ZNF221: variants seen among roughly 807,000 people sequenced by gnomAD.
ZNF221 encodes the protein zinc finger protein 221.
Under a neutral mutation model 12.6 loss-of-function variants are expected in ZNF221, and 10 were observed. The observed-to-expected ratio is 0.79, with a 90% CI of 0.49 to 1.34. The LOEUF (loss-of-function observed/expected upper bound fraction) is 1.34. ZNF221 is among the 40% of genes most tolerant of loss of function. ZNF221 has a pLI of 0.00. For missense variants in ZNF221, 661 were observed against 721.4 expected (o/e 0.92, Z 0.96); for synonymous variants, 232 against 244.0 (o/e 0.95, Z 0.46).
intron 2 of ZNF221, 95 bp downstream of exon 2, chr19:43,962,902 C>T: frequency 8.2e-7 from 1 of 1,219,360 alleles, no homozygotes; most frequent in South Asian, 1.6e-5. Context: ...AGGAGAACAA[C>T]AAGCATTTGA....
At chr19:43,971,844 G>C (rs1975104669), downstream of ZNF221, among the ~76,000 whole-genome samples, 1 of 152,096 alleles carries the variant, frequency 6.6e-6, no homozygotes, top group Admixed American at 6.5e-5. Context: ...GACAATATTA[G>C]ATCATTGAGA....
At chr19:43,969,630 T>G (rs1448119678), downstream of ZNF221, among the ~76,000 whole-genome samples, 1 of 152,168 alleles carries the variant, frequency 6.6e-6, no homozygotes, top group African/African-American at 2.4e-5. Flanking sequence ...ATTACAGGCA[T>G]GAGCCACTGC....
In ZNF221 at chr19:43,967,109, G is replaced by A. The variant is rs775982285; in HGVS notation, c.1607G>A (p.Cys536Tyr). Residue 536 changes from cysteine (C) to tyrosine (Y), a missense_variant, in exon 5 of 5, where the codon TGT becomes TAT. Physicochemically the swap from Cys to Tyr is radical, Grantham distance 194. Coordinates refer to ENST00000587682, the MANE Select transcript of ZNF221 (RefSeq NM_001297588.2). ...TCHTGEKLYKCEQCEKGYNSK... is the reference protein window; with the variant it reads ...TCHTGEKLYKYEQCEKGYNSK... ...CATACTGGAGAAAAGCTATACAAAT[G>A]TGAGCAGTGTGAGAAGGGGTACAAC... is the stretch of plus-strand genomic sequence containing the variant. The A allele has an allele frequency of 6.3e-5, 101 of 1,595,998 alleles. 1 individual carries two copies. The South Asian group carries it at 1.1e-3, about 17-fold the overall frequency.
chr19:43,965,213 A>C lies in ZNF221; in HGVS notation c.209-20A>C. The C allele has an allele frequency of 6.2e-7, 1 of 1,603,176 alleles. No individual in the cohort carries two copies. The highest frequency in any genetic ancestry group is 8.5e-7 in the Non-Finnish European group (1 of 1,174,968). On this transcript the variant is annotated intron_variant, in intron 3 of 4. Coordinates refer to ENST00000587682, the MANE Select transcript of ZNF221 (RefSeq NM_001297588.2). ...TACCTACAATGGGTTGGAATTAAGC[A>C]TGTCACTGTGTGTTCACAGGGAATC...
chr19:43,967,077 G>C lies in ZNF221; in HGVS notation c.1575G>C (p.Gln525His). ...FTQSSQLHSH[Q>H]TCHTGEKLYK... ...AGAGTTCACAACTTCATTCCCATCA[G>C]ACATGCCATACTGGAGAAAAGCTAT... Residue 525 changes from glutamine to histidine, a missense_variant, in exon 5 of 5, where the codon CAG becomes CAC. Physicochemically the swap from Gln to His is conservative, Grantham distance 24 (BLOSUM62 0). Coordinates refer to ENST00000587682, the MANE Select transcript of ZNF221 (RefSeq NM_001297588.2). 1 of 1,596,418 alleles carries C rather than the reference G, an allele frequency of 6.3e-7. No individual in the cohort carries two copies. Among genetic ancestry groups the C allele is most frequent in the Non-Finnish European group, 8.6e-7 (1 of 1,168,892 alleles).
intron 2 of ZNF221, among the ~76,000 whole-genome samples, chr19:43,964,009 A>G (rs1462032636): frequency 1.3e-5 from 2 of 152,184 alleles, no homozygotes; most frequent in African/African-American, 4.8e-5. Flanking sequence ...ACATTATTTT[A>G]AATAATCAGG....
intron 1 of ZNF221, among the ~76,000 whole-genome samples, chr19:43,952,081 G>A (rs576035246): frequency 2.2e-4 from 34 of 151,572 alleles, no homozygotes; most frequent in African/African-American, 8.2e-4. Context: ...CACCGTGTTA[G>A]CCAGGATGGT....
At chr19:43,968,305 C>A (rs1380273058), downstream of ZNF221, among the ~76,000 whole-genome samples, 1 of 152,166 alleles carries the variant, frequency 6.6e-6, no homozygotes, top group Admixed American at 6.5e-5. Flanking sequence ...AAGAGACAGG[C>A]CTTAGAAAGA....
chr19:43,966,525 T>G lies in ZNF221; in HGVS notation c.1023T>G (p.Asp341Glu). 3.1e-6 allele frequency: 5 copies of G among 1,614,142 alleles called. No homozygotes were observed. Among genetic ancestry groups the G allele is most frequent in the Non-Finnish European group, 4.2e-6 (5 of 1,180,016 alleles). The change falls in exon 5 of 5, where the codon GAT becomes GAG. Residue 341 changes from aspartate to glutamate, a missense_variant. Asp to Glu is a conservative substitution (Grantham distance 45). Coordinates refer to ENST00000587682, the MANE Select transcript of ZNF221 (RefSeq NM_001297588.2). Reference sequence around the variant, plus strand: ...CAGGAGAAAAACCATTCAGATGTGATACATGTGGCAAGAACTTTCGTCAGA... The same window carrying G: ...CAGGAGAAAAACCATTCAGATGTGAGACATGTGGCAAGAACTTTCGTCAGA... ...VHTGEKPFRC[D>E]TCGKNFRQRS...
chr19:43,955,385 C>T (rs1420365686), intron 1 of ZNF221, among the ~76,000 whole-genome samples: 3 of 152,180 alleles, frequency 2.0e-5, no homozygotes, highest in Non-Finnish European at 4.4e-5. Flanking sequence ...CATCTTTGCA[C>T]TGCTGCACTA....
chr19:43,970,416 A>C (rs1292446065), downstream of ZNF221, among the ~76,000 whole-genome samples: 1 of 152,230 alleles, frequency 6.6e-6, no homozygotes, highest in Non-Finnish European at 1.5e-5. Context: ...GCTGAGGCTG[A>C]GATGGCTGAA....
downstream of ZNF221, among the ~76,000 whole-genome samples, chr19:43,969,337 T>G (rs1975047793): frequency 1.4e-3 from 4 of 2,812 alleles, no homozygotes; most frequent in African/African-American, 1.8e-3. Flanking sequence ...ACTGCTGCTT[T>G]TTTTTTTTTT....
chr19:43,966,908 A>ACCG lies in ZNF221; in HGVS notation c.1406_1407insCCG (p.Gln469delinsHisArg). 1 of 1,614,258 alleles carries ACCG rather than the reference A, an allele frequency of 6.2e-7. No individual in the cohort carries two copies. Among genetic ancestry groups the ACCG allele is most frequent in the Non-Finnish European group, 8.5e-7 (1 of 1,180,040 alleles). The stretch of plus-strand genomic sequence containing the variant: ...AGGAGGTTGGATCTTGAGTTTCACC[A>ACCG]GAGGGTCCACACGGGTGAGAGACCC... On this transcript the variant is annotated protein_altering_variant, in exon 5 of 5. Coordinates refer to ENST00000587682, the MANE Select transcript of ZNF221 (RefSeq NM_001297588.2).
chr19:43,966,785 G>T lies in ZNF221; in HGVS notation c.1283G>T (p.Gly428Val), dbSNP rs78179759. The T allele has an allele frequency of 6.2e-7, 1 of 1,614,048 alleles. No homozygotes were observed. Among genetic ancestry groups the T allele is most frequent in the Non-Finnish European group, 8.5e-7 (1 of 1,180,042 alleles). Residue 428 changes from glycine (G) to valine (V), a missense_variant, in exon 5 of 5, where the codon GGG becomes GTG. Gly to Val is a moderately radical substitution (Grantham distance 109). Coordinates refer to ENST00000587682, the MANE Select transcript of ZNF221 (RefSeq NM_001297588.2). ...GQKSFKCEEC[G>V]KGFYTNSRRS... ...AAATCCTTCAAATGTGAAGAATGTG[G>T]GAAGGGATTTTATACAAATTCACGA...
rs772494941 is a variant in ZNF221, at chr19:43,966,493, G to T, written c.991G>T (p.Val331Phe). 2.0e-5 allele frequency: 32 copies of T among 1,614,148 alleles called. No homozygotes were observed. The highest frequency in any genetic ancestry group is 2.6e-5 in the Non-Finnish European group (31 of 1,180,018). ...VRSRLNRHSM[V>F]HTGEKPFRCD... The stretch of plus-strand genomic sequence containing the variant: ...ATCAAGACTTAATAGGCATTCCATG[G>T]TTCACACAGGAGAAAAACCATTCAG... Residue 331 changes from valine (V) to phenylalanine (F), a missense_variant, in exon 5 of 5, where the codon GTT becomes TTT. By Grantham distance (50) the Val-to-Phe change is conservative. Coordinates refer to ENST00000587682, the MANE Select transcript of ZNF221 (RefSeq NM_001297588.2).
chr19:43,966,381 T>C lies in ZNF221; in HGVS notation c.879T>C (p.His293=). The C allele has an allele frequency of 6.2e-7, 1 of 1,613,830 alleles. No homozygotes were observed. Among genetic ancestry groups the C allele is most frequent in the Non-Finnish European group, 8.5e-7 (1 of 1,179,938 alleles). Residue 293 remains histidine (H), a synonymous_variant, in exon 5 of 5, where the codon CAT becomes CAC. Coordinates refer to ENST00000587682, the MANE Select transcript of ZNF221 (RefSeq NM_001297588.2). The part of the protein sequence containing the change: ...NCEECGKAFI[H]DSQLQEHQRI... Reference sequence around the variant, plus strand: ...AGGAATGTGGGAAAGCCTTCATTCATGATTCACAGCTTCAAGAACATCAGA... The same window carrying C: ...AGGAATGTGGGAAAGCCTTCATTCACGATTCACAGCTTCAAGAACATCAGA...
chr19:43,958,092 G>A (rs538011518), intron 1 of ZNF221, among the ~76,000 whole-genome samples: 2 of 152,238 alleles, frequency 1.3e-5, no homozygotes, highest in South Asian at 2.1e-4. Context: ...CAAGAGTTTC[G>A]CAATCAGGCC....
At chr19:43,961,137 G>A (rs1974836052) in intron 1 of ZNF221, among the ~76,000 whole-genome samples, 1 of 152,234 alleles carries the variant, frequency 6.6e-6, no homozygotes, top group South Asian at 2.1e-4. Flanking sequence ...CTGGAGTACA[G>A]TAGCACAATC....
chr19:43,972,447 T>A (rs1975116722), downstream of ZNF221, among the ~76,000 whole-genome samples: 1 of 151,558 alleles, frequency 6.6e-6, no homozygotes, highest in Admixed American at 6.6e-5. Context: ...ACACAAAAAA[T>A]CTTTCAAAAA....
Sources: gnomAD v4.1 joint callset for allele counts (sites outside exome capture counted in the v4.1 genomes callset) on GRCh38, gnomAD v4.1.1 for gene constraint, MANE v1.5 for transcripts, NCBI Gene and HGNC (gene_info 2026-07-23, HGNC 2026-07-21) for gene names.